RALGAPA1: variants seen among roughly 807,000 people sequenced by gnomAD.
RALGAPA1 encodes the protein Ral GTPase activating protein catalytic subunit alpha 1, also known as ral GTPase-activating protein subunit alpha-1.
RALGAPA1 carries 52 observed loss-of-function variants against 269.6 expected under a neutral mutation model. That is an observed-to-expected ratio of 0.19 (90% confidence interval 0.15 to 0.24). The LOEUF is 0.24. RALGAPA1 is among the 10% of genes least tolerant of loss of function. RALGAPA1 has a pLI of 1.00. For missense variants in RALGAPA1, 1,917 were observed against 3,013.9 expected (o/e 0.64, Z 8.52); for synonymous variants, 817 against 1,008.3 (o/e 0.81, Z 3.60).
chr14:35,572,549 G>T lies in RALGAPA1; in HGVS notation c.7368+11C>A. The T allele has an allele frequency of 6.3e-7, 1 of 1,582,368 alleles. No homozygotes were observed. On this transcript the variant is annotated intron_variant, in intron 38 of 41. Transcript: ENST00000680220. ...AATCTATTACTAAAATGGAAGATAA[G>T]GAGTTCTTACCTCTGGTTTTTTCAT...
intron 37 of RALGAPA1, among the ~76,000 whole-genome samples, chr14:35,587,663 G>T (rs2058385665): frequency 6.8e-6 from 1 of 147,034 alleles, no homozygotes; most frequent in African/African-American, 2.5e-5. Context: ...GGTGAGAATT[G>T]AACAATGAGA....
At position 35,686,411 on chromosome 14, in the gene RALGAPA1, G is replaced by C. The variant is rs1387288359; in HGVS notation, c.4077+131C>G. ...TTCAAAAATCTTAATTCATAAAAAGGGTTATATTTTGAGGAAAGGTTATTT... is the reference window on the plus strand; with the variant it reads ...TTCAAAAATCTTAATTCATAAAAAGCGTTATATTTTGAGGAAAGGTTATTT... On this transcript the variant is annotated intron_variant, in intron 19 of 41. Coordinates refer to ENST00000680220, the MANE Select transcript of RALGAPA1 (RefSeq NM_001346249.2). 6 of 637,900 alleles carry C rather than the reference G, an allele frequency of 9.4e-6. No individual in the cohort carries two copies. In the Admixed American group the frequency reaches 2.0e-4, roughly 21 times the overall value. 39.5% of individuals were successfully genotyped at this position (637,900 alleles called of 1,614,324 possible). A position where few individuals can be genotyped will look rare whatever the true frequency, so the allele number is the denominator to read the frequency against.
At chr14:35,640,141 C>T (rs61989604) in intron 31 of RALGAPA1, among the ~76,000 whole-genome samples, 6 of 151,654 alleles carry the variant, frequency 4.0e-5, no homozygotes, top group South Asian at 2.1e-4. Flanking sequence ...AGCAGAAAAA[C>T]GTCAAGTAAA....
At chr14:35,722,594 A>C (rs2069522149) in intron 15 of RALGAPA1, among the ~76,000 whole-genome samples, 1 of 151,808 alleles carries the variant, frequency 6.6e-6, no homozygotes, top group African/African-American at 2.4e-5. Context: ...CCTAGGAAAC[A>C]GAGTGAGGCC....
intron 31 of RALGAPA1, among the ~76,000 whole-genome samples, chr14:35,644,812 T>G (rs1437547918): frequency 6.6e-6 from 1 of 152,078 alleles, no homozygotes; most frequent in Non-Finnish European, 1.5e-5. Flanking sequence ...AGCTAATGCA[T>G]GTGGTGACGG....
At chr14:35,600,568 G>C (rs1292305811) in intron 36 of RALGAPA1, among the ~76,000 whole-genome samples, 1 of 152,060 alleles carries the variant, frequency 6.6e-6, no homozygotes, top group Non-Finnish European at 1.5e-5. Context: ...TGTTTCTACT[G>C]TTTTATCTTC....
intron 37 of RALGAPA1, among the ~76,000 whole-genome samples, chr14:35,583,864 C>A (rs1252055672): frequency 6.6e-6 from 1 of 152,016 alleles, no homozygotes; most frequent in Non-Finnish European, 1.5e-5. Context: ...TGTGAAATTA[C>A]CCTTCAGAAG....
chr14:35,655,705 G>A (rs1375528827), intron 29 of RALGAPA1, 102 bp downstream of exon 29: 3 of 1,430,626 alleles, frequency 2.1e-6, no homozygotes, highest in African/African-American at 2.9e-5. Context: ...ATAAAGTAAT[G>A]AAAACATTTA....
chr14:35,706,616 T>G, intron 16 of RALGAPA1: 1 of 45,758 alleles, frequency 2.2e-5, no homozygotes, highest in African/African-American at 2.6e-4. Flanking sequence ...TGCCTTTCCT[T>G]TTTTTTTTTT....
At position 35,688,849 on chromosome 14, in the gene RALGAPA1, T is replaced by C. The variant is rs2066215343; in HGVS notation, c.3562A>G (p.Ser1188Gly). 4 of 1,306,356 alleles carry C rather than the reference T, an allele frequency of 3.1e-6. No homozygotes were observed. In the East Asian group the frequency reaches 1.1e-4, roughly 35 times the overall value. The allele number at this position is 1,306,356 out of a possible 1,614,324, so 80.9% of individuals were successfully genotyped here. A position where few individuals can be genotyped will look rare whatever the true frequency, so the allele number is the denominator to read the frequency against. Residue 1188 changes from serine to glycine, a missense_variant, in exon 18 of 42, where the codon AGC (serine) becomes GGC (glycine). By Grantham distance (56) the Ser-to-Gly change is moderately conservative. Transcript: ENST00000680220. The stretch of plus-strand genomic sequence containing the variant: ...GTGTTGCTAGTGCTGCTATTGCTGC[T>C]ACCACTACTAAAGCCACCGAGCTTC... Reference protein sequence around the residue: ...LRKLGGFSSGSSNSSTSNTHT... With the variant: ...LRKLGGFSSGGSNSSTSNTHT...
rs531749331 is a variant in RALGAPA1 at position 35,635,344 on chromosome 14, T to C, written c.5811+120A>G. 27 of 1,170,288 alleles carry C rather than the reference T, an allele frequency of 2.3e-5. No individual in the cohort carries two copies. The African/African-American group carries it at 4.1e-4, about 18-fold the overall frequency. 72.5% of individuals were successfully genotyped at this position (1,170,288 alleles called of 1,614,324 possible). A position where few individuals can be genotyped will look rare whatever the true frequency, so the allele number is the denominator to read the frequency against. ...TTACCCTTAGGCACTGTAAGCTAAATATGTGTTCTTAGAAATTTTCTAGCT... is the reference window on the plus strand; with the variant it reads ...TTACCCTTAGGCACTGTAAGCTAAACATGTGTTCTTAGAAATTTTCTAGCT... On this transcript the variant is annotated intron_variant, in intron 32 of 41. Transcript: ENST00000680220.
rs145299823 is a variant in RALGAPA1, at chr14:35,562,619, G to C, written c.7496+7998C>G. Among the ~76,000 whole-genome samples the C allele has an allele frequency of 2.6e-3, 394 of 152,190 alleles. 2 individuals carry two copies. Among genetic ancestry groups the C allele is most frequent in the African/African-American group, 9.2e-3 (380 of 41,530 alleles). On this transcript the variant is annotated intron_variant, in intron 39 of 41. Coordinates refer to ENST00000680220, the MANE Select transcript of RALGAPA1 (RefSeq NM_001346249.2). ...TCAGAGGCAATTTTCACTGATCCTAGGTTTCCTCTTCTTACCTACCCAGTA... is the reference window on the plus strand; with the variant it reads ...TCAGAGGCAATTTTCACTGATCCTACGTTTCCTCTTCTTACCTACCCAGTA...
At chr14:35,699,935 A>G (rs1234495404) in intron 17 of RALGAPA1, among the ~76,000 whole-genome samples, 2 of 152,060 alleles carry the variant, frequency 1.3e-5, no homozygotes, top group Admixed American at 6.5e-5. Flanking sequence ...ACAACAAAAA[A>G]TACTGGACAT....
chr14:35,615,998 T>C (rs1353953531), intron 35 of RALGAPA1, among the ~76,000 whole-genome samples: 1 of 152,024 alleles, frequency 6.6e-6, no homozygotes, highest in Admixed American at 6.6e-5. Flanking sequence ...ACTTAGACAG[T>C]TGTTAAAACT....
intron 35 of RALGAPA1, among the ~76,000 whole-genome samples, chr14:35,611,330 C>A (rs1484993782): frequency 1.3e-5 from 2 of 151,948 alleles, no homozygotes; most frequent in African/African-American, 2.4e-5. Context: ...GGTGAAACCT[C>A]ATCTCTACTA....
chr14:35,762,007 T>C (rs995270113), intron 5 of RALGAPA1, among the ~76,000 whole-genome samples: 5 of 152,148 alleles, frequency 3.3e-5, no homozygotes, highest in African/African-American at 1.2e-4. Flanking sequence ...AATGGCATAA[T>C]GAAAAAGAAA....
chr14:35,689,259 A>G lies in RALGAPA1; in HGVS notation c.3152T>C (p.Leu1051Ser), dbSNP rs2066266197. The G allele has an allele frequency of 8.1e-7, 1 of 1,232,342 alleles. No individual in the cohort carries two copies. The highest frequency in any genetic ancestry group is 3.2e-5 in the East Asian group (1 of 31,708). The allele number at this position is 1,232,342 out of a possible 1,614,324, so 76.3% of individuals were successfully genotyped here. The change falls in exon 18 of 42, where the codon TTA (leucine) becomes TCA (serine). Residue 1051 changes from leucine to serine, a missense_variant. By Grantham distance (145) the Leu-to-Ser change is moderately radical. Coordinates refer to ENST00000680220, the MANE Select transcript of RALGAPA1 (RefSeq NM_001346249.2). The stretch of plus-strand genomic sequence containing the variant: ...TTTTTCTTTATCACAAGGGCTATCT[A>G]AACTAGGCTCTGATGGCTGTTTATC... ...NTDKQPSEPS[L>S]DSPCDKEKRK...
chr14:35,651,476 G>T lies in RALGAPA1; in HGVS notation c.5676+329C>A, dbSNP rs191196000. Among the ~76,000 whole-genome samples, 17 of 152,226 alleles carry T rather than the reference G, an allele frequency of 1.1e-4. No homozygotes were observed. In the East Asian group the frequency reaches 3.3e-3, roughly 29 times the overall value. On this transcript the variant is annotated intron_variant, in intron 31 of 41. Coordinates refer to ENST00000680220, the MANE Select transcript of RALGAPA1 (RefSeq NM_001346249.2). Reference sequence around the variant, plus strand: ...TCTATCTATACAAAAACAAGTGGCTGCCTTTAGAGGTGATTAACTCCTCAG... The same window carrying T: ...TCTATCTATACAAAAACAAGTGGCTTCCTTTAGAGGTGATTAACTCCTCAG...
chr14:35,692,988 C>T (rs1027068525), intron 17 of RALGAPA1, among the ~76,000 whole-genome samples: 16 of 151,986 alleles, frequency 1.1e-4, no homozygotes, highest in East Asian at 5.8e-4. Context: ...GGTGCTATGC[C>T]TATTTTATAA....
Sources: gnomAD v4.1 joint callset for allele counts (sites outside exome capture counted in the v4.1 genomes callset) on GRCh38, gnomAD v4.1.1 for gene constraint, MANE v1.5 for transcripts, NCBI Gene and HGNC (gene_info 2026-07-23, HGNC 2026-07-21) for gene names.